LRRC69: variants seen among roughly 807,000 people sequenced by gnomAD.
LRRC69 encodes the protein leucine rich repeat containing 69, also known as leucine-rich repeat-containing protein 69.
A neutral mutation model predicts 37.8 loss-of-function variants in LRRC69; 42 were observed. The observed-to-expected ratio is 1.11, with a 90% CI of 0.87 to 1.44. The LOEUF is 1.44. Among genes scored for constraint, LRRC69 ranks in the 40% most tolerant of loss-of-function variants. The pLI, the probability that LRRC69 is intolerant of heterozygous loss-of-function variation, is 0.00. For missense variants in LRRC69, 357 were observed against 401.9 expected (o/e 0.89, Z 0.96); for synonymous variants, 141 against 143.1 (o/e 0.99, Z 0.11).
At position 91,178,538 on chromosome 8, in the gene LRRC69, CT is replaced by C. The variant is rs1438501633; in HGVS notation, c.652-10982del. Among the ~76,000 whole-genome samples, 5 of 152,266 alleles carry C rather than the reference CT, an allele frequency of 3.3e-5. No individual in the cohort carries two copies. In the East Asian group the frequency reaches 9.7e-4, roughly 29 times the overall value. The stretch of plus-strand genomic sequence containing the variant: ...TATTTTGTTAGCTTTTTGCTTTTAT[CT>C]TCTGTTTCCCTTTGTCATGTACTAG... On this transcript the variant is annotated intron_variant, in intron 5 of 7. Coordinates refer to ENST00000448384, the Ensembl canonical transcript of LRRC69.
intron 6 of LRRC69, among the ~76,000 whole-genome samples, chr8:91,190,880 C>T (rs182903024): frequency 1.3e-5 from 2 of 151,968 alleles, no homozygotes; most frequent in African/African-American, 4.8e-5. Context: ...CAGAGTGAGA[C>T]CCCATCTCTA....
chr8:91,114,148 A>G (rs1365953458), intron 1 of LRRC69, among the ~76,000 whole-genome samples: 1 of 151,974 alleles, frequency 6.6e-6, no homozygotes, highest in Non-Finnish European at 1.5e-5. Context: ...CTGTTATCAG[A>G]AAGACAAAAA....
intron 7 of LRRC69, among the ~76,000 whole-genome samples, chr8:91,214,957 T>G (rs1810012987): frequency 6.6e-6 from 1 of 152,036 alleles, no homozygotes; most frequent in South Asian, 2.1e-4. Flanking sequence ...GCTCCCCATA[T>G]CCATTGGCTC....
At chr8:91,147,880 C>T (rs1451612888) in intron 5 of LRRC69, among the ~76,000 whole-genome samples, 1 of 151,594 alleles carries the variant, frequency 6.6e-6, no homozygotes, top group African/African-American at 2.4e-5. Flanking sequence ...CCCCAACAGG[C>T]CTTGGTGTGT....
intron 7 of LRRC69, among the ~76,000 whole-genome samples, chr8:91,212,325 G>A (rs1435205049): frequency 6.6e-6 from 1 of 151,918 alleles, no homozygotes; most frequent in Non-Finnish European, 1.5e-5. Flanking sequence ...TTATAGTTTC[G>A]TTAGTTGAAC....
chr8:91,196,963 C>T (rs926488546), intron 6 of LRRC69, among the ~76,000 whole-genome samples: 2 of 151,860 alleles, frequency 1.3e-5, no homozygotes, highest in African/African-American at 4.8e-5. Flanking sequence ...TTTTCCCCAT[C>T]TTTGTGGTTT....
chr8:91,127,123 A>G, exon 3 of LRRC69: 1 of 1,548,722 alleles, frequency 6.5e-7, no homozygotes. Flanking sequence ...TAATCTGAAC[A>G]ACAATCATCT....
intron 7 of LRRC69, among the ~76,000 whole-genome samples, chr8:91,213,486 T>C (rs998095608): frequency 3.3e-5 from 5 of 152,224 alleles, no homozygotes; most frequent in African/African-American, 1.2e-4. Flanking sequence ...ATTTAGTCAT[T>C]CCATAAATTT....
intron 1 of LRRC69, among the ~76,000 whole-genome samples, chr8:91,113,226 A>G (rs556533688): frequency 6.6e-6 from 1 of 152,176 alleles, no homozygotes; most frequent in Non-Finnish European, 1.5e-5. Context: ...TTTAAAATGC[A>G]TATGGAACTA....
chr8:91,186,099 C>T (rs1809403471), intron 5 of LRRC69, among the ~76,000 whole-genome samples: 1 of 152,132 alleles, frequency 6.6e-6, no homozygotes, highest in Non-Finnish European at 1.5e-5. Flanking sequence ...AGAAGGCCTT[C>T]GCAAATCTTG....
rs932488618 is a variant in LRRC69, at chr8:91,195,415, T to C, written c.754-5198T>C. Among the ~76,000 whole-genome samples the C allele has an allele frequency of 1.1e-4, 17 of 151,586 alleles. No individual in the cohort carries two copies. The East Asian group carries it at 1.4e-3, about 12-fold the overall frequency. On this transcript the variant is annotated intron_variant, in intron 6 of 7. Transcript: ENST00000448384. ...GGGTATCCTTGTTGACTTTCTGTCTTGTTGATCTGTCTAATGTTGACAGTG... is the reference window on the plus strand; with the variant it reads ...GGGTATCCTTGTTGACTTTCTGTCTCGTTGATCTGTCTAATGTTGACAGTG...
intron 7 of LRRC69, among the ~76,000 whole-genome samples, chr8:91,207,416 T>C (rs1344083806): frequency 6.6e-6 from 1 of 152,174 alleles, no homozygotes; most frequent in Non-Finnish European, 1.5e-5. Context: ...ACCAAGGCTT[T>C]CAGACAAGAA....
At chr8:91,214,916 A>G (rs1563629998) in intron 7 of LRRC69, among the ~76,000 whole-genome samples, 1 of 151,734 alleles carries the variant, frequency 6.6e-6, no homozygotes, top group Non-Finnish European at 1.5e-5. Flanking sequence ...CCTGGGGGGA[A>G]CCATTTTCTG....
At chr8:91,106,791 G>C (rs947655489) in intron 1 of LRRC69, among the ~76,000 whole-genome samples, 1 of 151,618 alleles carries the variant, frequency 6.6e-6, no homozygotes, top group Non-Finnish European at 1.5e-5. Context: ...CCATTTGTTT[G>C]CATATTTTTT....
chr8:91,209,986 C>T (rs553515438), intron 7 of LRRC69, among the ~76,000 whole-genome samples: 13 of 152,248 alleles, frequency 8.5e-5, no homozygotes, highest in African/African-American at 3.1e-4. Context: ...GCAGTTCATG[C>T]TATTGAGGAG....
At chr8:91,208,369 G>T (rs1354278447) in intron 7 of LRRC69, among the ~76,000 whole-genome samples, 1 of 152,090 alleles carries the variant, frequency 6.6e-6, no homozygotes, top group Non-Finnish European at 1.5e-5. Context: ...TACTCAGTAG[G>T]GTGAGAAGAC....
At chr8:91,154,081 A>G (rs1298626660) in intron 5 of LRRC69, among the ~76,000 whole-genome samples, 2 of 151,958 alleles carry the variant, frequency 1.3e-5, no homozygotes, top group Admixed American at 1.3e-4. Flanking sequence ...AGAATACTAT[A>G]AATACCTCTT....
chr8:91,159,368 G>C (rs183720440), intron 5 of LRRC69, among the ~76,000 whole-genome samples: 8 of 151,256 alleles, frequency 5.3e-5, no homozygotes, highest in Admixed American at 4.0e-4. Flanking sequence ...TAGAAGAAAA[G>C]CTTCAAAATA....
intron 5 of LRRC69, among the ~76,000 whole-genome samples, chr8:91,170,043 A>G (rs1809100146): frequency 8.8e-5 from 10 of 113,378 alleles, no homozygotes; most frequent in South Asian, 3.4e-4. Flanking sequence ...ATACCCAGTA[A>G]TGGGATGGCT....
Sources: gnomAD v4.1 joint callset for allele counts (sites outside exome capture counted in the v4.1 genomes callset) on GRCh38, gnomAD v4.1.1 for gene constraint, MANE v1.5 for transcripts, NCBI Gene and HGNC (gene_info 2026-07-23, HGNC 2026-07-21) for gene names.